PRKG1: variants seen among roughly 807,000 people sequenced by gnomAD.
PRKG1 encodes cGMP-dependent protein kinase 1.
PRKG1 carries 35 observed loss-of-function variants against 88.1 expected under a neutral mutation model. The ratio of observed to expected loss-of-function variants is 0.40; its 90% confidence interval spans 0.30 to 0.53. PRKG1 has a LOEUF of 0.53. Ranked by LOEUF, PRKG1 falls within the 20% of genes least tolerant of loss-of-function variation. The pLI is 0.59. For missense variants in PRKG1, 540 were observed against 839.8 expected (o/e 0.64, Z 4.41); for synonymous variants, 303 against 292.5 (o/e 1.04, Z -0.37).
chr10:51,746,716 C>T (rs996387845), intron 3 of PRKG1, among the ~76,000 whole-genome samples: 4 of 148,174 alleles, frequency 2.7e-5, no homozygotes, highest in Non-Finnish European at 5.9e-5. Flanking sequence ...GAGTAAGACC[C>T]TGTCTCAAAA....
intron 2 of PRKG1, among the ~76,000 whole-genome samples, chr10:51,301,909 T>C (rs1840898531): frequency 6.6e-6 from 1 of 152,216 alleles, no homozygotes. Flanking sequence ...AGGATGAGTG[T>C]GTGACTGCCT....
chr10:52,286,276 A>G (rs1842114410), intron 14 of PRKG1, among the ~76,000 whole-genome samples: 2 of 152,164 alleles, frequency 1.3e-5, no homozygotes, highest in South Asian at 2.1e-4. Flanking sequence ...ATGCCAAAAG[A>G]TAGTATATCA....
intron 1 of PRKG1, among the ~76,000 whole-genome samples, chr10:51,099,947 G>C (rs750555427): frequency 6.6e-6 from 1 of 152,210 alleles, no homozygotes; most frequent in African/African-American, 2.4e-5. Flanking sequence ...TTAGGCTGGC[G>C]TGCAGTGGCA....
At chr10:51,716,224 GC>G (rs1841882208) in intron 3 of PRKG1, among the ~76,000 whole-genome samples, 1 of 152,132 alleles carries the variant, frequency 6.6e-6, no homozygotes, top group Non-Finnish European at 1.5e-5. Flanking sequence ...GCTTCCAAAA[GC>G]AATTACATCT....
chr10:51,022,472 T>G (rs1484707776), intron 1 of PRKG1, among the ~76,000 whole-genome samples: 1 of 152,196 alleles, frequency 6.6e-6, no homozygotes, highest in Admixed American at 6.5e-5. Context: ...GTCTTTTATT[T>G]TGTTGCCTCT....
In PRKG1 at chr10:51,086,278, G is replaced by A. The variant is rs548529711; in HGVS notation, c.311+11377G>A. Among the ~76,000 whole-genome samples, 175 of 152,228 alleles carry A rather than the reference G, an allele frequency of 1.1e-3. 8 individuals are homozygous for A. In the South Asian group the frequency reaches 0.034, roughly 30 times the overall value. ...GAATTTATCTAGGCTTTGCCTTTCC[G>A]TTGGTTTGCTGAAGGCATTAACATA... On this transcript the variant is annotated intron_variant, in intron 1 of 17. Transcript: ENST00000373980.
At chr10:52,160,848 A>C (rs1393465053) in intron 8 of PRKG1, among the ~76,000 whole-genome samples, 1 of 152,068 alleles carries the variant, frequency 6.6e-6, no homozygotes, top group Non-Finnish European at 1.5e-5. Flanking sequence ...AGAGATTATA[A>C]TACTAACTCA....
At chr10:52,077,146 G>T (rs899449885) in intron 7 of PRKG1, among the ~76,000 whole-genome samples, 2 of 151,992 alleles carry the variant, frequency 1.3e-5, no homozygotes, top group Non-Finnish European at 2.9e-5. Flanking sequence ...CTCCAAATTT[G>T]AAACAACAGA....
intron 2 of PRKG1, among the ~76,000 whole-genome samples, chr10:51,358,851 T>C (rs1842420049): frequency 6.6e-6 from 1 of 151,490 alleles, no homozygotes; most frequent in Non-Finnish European, 1.5e-5. Flanking sequence ...TTGCAAATAT[T>C]ATTTAAAAGG....
intron 1 of PRKG1, among the ~76,000 whole-genome samples, chr10:51,060,380 C>T (rs1214546486): frequency 1.3e-5 from 2 of 151,788 alleles, no homozygotes; most frequent in Non-Finnish European, 2.9e-5. Flanking sequence ...ATTAATTTTT[C>T]TTTCCTTTTT....
chr10:51,118,490 T>C (rs1429615230), intron 1 of PRKG1, among the ~76,000 whole-genome samples: 1 of 152,174 alleles, frequency 6.6e-6, no homozygotes, highest in East Asian at 1.9e-4. Context: ...AAAATGATAA[T>C]AACTCTGTTT....
chr10:51,860,967 T>G (rs1280342989), intron 4 of PRKG1, among the ~76,000 whole-genome samples: 5 of 152,174 alleles, frequency 3.3e-5, no homozygotes, highest in Non-Finnish European at 7.3e-5. Context: ...GAAAGAAATC[T>G]CTTCAGAGCA....
At chr10:51,130,289 A>G (rs1487320956) in intron 1 of PRKG1, among the ~76,000 whole-genome samples, 17 of 152,082 alleles carry the variant, frequency 1.1e-4, no homozygotes, top group Non-Finnish European at 1.3e-4. Flanking sequence ...TCCAGACCTC[A>G]TCATAGTCCA....
intron 3 of PRKG1, among the ~76,000 whole-genome samples, chr10:51,782,779 C>A (rs547076983): frequency 2.6e-5 from 4 of 152,104 alleles, no homozygotes; most frequent in African/African-American, 7.2e-5. Context: ...CCATGTAAGA[C>A]GGGACTAGCT....
At chr10:52,129,741 G>C (rs1837204862) in intron 7 of PRKG1, among the ~76,000 whole-genome samples, 1 of 152,150 alleles carries the variant, frequency 6.6e-6, no homozygotes, top group Non-Finnish European at 1.5e-5. Flanking sequence ...ATTTTAAAAT[G>C]AAAATGACCC....
At chr10:51,114,585 A>G (rs1450644074) in intron 1 of PRKG1, among the ~76,000 whole-genome samples, 4 of 152,308 alleles carry the variant, frequency 2.6e-5, no homozygotes, top group South Asian at 4.1e-4. Context: ...CAAACTTTTA[A>G]AAAAGAACCT....
intron 3 of PRKG1, among the ~76,000 whole-genome samples, chr10:51,622,907 C>G (rs564336164): frequency 4.0e-4 from 61 of 152,064 alleles, no homozygotes; most frequent in Non-Finnish European, 5.7e-4. Flanking sequence ...TTGTTCATTA[C>G]GAGAAAATGA....
At chr10:51,211,944 T>A (rs1380254285) in intron 2 of PRKG1, among the ~76,000 whole-genome samples, 1 of 152,212 alleles carries the variant, frequency 6.6e-6, no homozygotes, top group Non-Finnish European at 1.5e-5. Flanking sequence ...AATGACTTTC[T>A]TCACAGAATT....
At chr10:52,014,336 G>C (rs933915438) in intron 5 of PRKG1, among the ~76,000 whole-genome samples, 9 of 152,096 alleles carry the variant, frequency 5.9e-5, no homozygotes, top group African/African-American at 1.9e-4. Context: ...GAGAGAGAAG[G>C]CATGGGGGAA....
Sources: gnomAD v4.1 joint callset for allele counts (sites outside exome capture counted in the v4.1 genomes callset) on GRCh38, gnomAD v4.1.1 for gene constraint, MANE v1.5 for transcripts, NCBI Gene and HGNC (gene_info 2026-07-23, HGNC 2026-07-21) for gene names.